Variants in ANO6 observed in about 807,000 individuals in gnomAD.
The protein encoded by ANO6 is anoctamin-6.
In ANO6, 106 loss-of-function variants were observed where a neutral mutation model predicts 117.5. That is an observed-to-expected ratio of 0.90 (90% CI 0.77 to 1.06). The LOEUF is 1.06. Among genes scored for constraint, ANO6 ranks in the 50% least tolerant of loss-of-function variants. The pLI, the probability that ANO6 is intolerant of heterozygous loss-of-function variation, is 0.00. For missense variants in ANO6, 955 were observed against 1,121.1 expected (o/e 0.85, Z 2.12); for synonymous variants, 367 against 385.1 (o/e 0.95, Z 0.55).
intron 7 of ANO6, among the ~76,000 whole-genome samples, chr12:45,356,568 G>A (rs1322929272): frequency 6.6e-6 from 1 of 152,128 alleles, no homozygotes; most frequent in East Asian, 1.9e-4. Context: ...AGAAAAGAAT[G>A]TTATTAAGAA....
At chr12:45,323,115 C>T (rs193273702) in intron 2 of ANO6, among the ~76,000 whole-genome samples, 28 of 152,264 alleles carry the variant, frequency 1.8e-4, no homozygotes, top group Admixed American at 5.2e-4. Flanking sequence ...AGATGTCTTA[C>T]GTCTTCTTTT....
chr12:45,382,316 G>A (rs1320811320), intron 10 of ANO6, among the ~76,000 whole-genome samples: 1 of 152,144 alleles, frequency 6.6e-6, no homozygotes, highest in Non-Finnish European at 1.5e-5. Context: ...CCATCTTCCA[G>A]CCTAATTTTA....
chr12:45,393,331 A>G (rs1942509786), intron 12 of ANO6, among the ~76,000 whole-genome samples: 1 of 152,222 alleles, frequency 6.6e-6, no homozygotes, highest in Non-Finnish European at 1.5e-5. Flanking sequence ...GCCTCCAAGA[A>G]ATATGGGACT....
At chr12:45,379,685 A>T (rs1303551237) in intron 10 of ANO6, among the ~76,000 whole-genome samples, 1 of 152,204 alleles carries the variant, frequency 6.6e-6, no homozygotes, top group Non-Finnish European at 1.5e-5. Context: ...TAAAGAAGAC[A>T]TTTGAAATAA....
At chr12:45,219,610 C>T (rs1329046373) in intron 1 of ANO6, among the ~76,000 whole-genome samples, 2 of 150,262 alleles carry the variant, frequency 1.3e-5, no homozygotes, top group African/African-American at 4.9e-5. Context: ...TCCCAAAGTG[C>T]TGGGATTACA....
intron 12 of ANO6, among the ~76,000 whole-genome samples, chr12:45,394,231 G>C (rs1942544505): frequency 1.3e-5 from 2 of 152,060 alleles, no homozygotes. Flanking sequence ...AACCAACAAA[G>C]ATCAAAAGAG....
chr12:45,379,452 C>A (rs1942113521), intron 10 of ANO6, among the ~76,000 whole-genome samples: 2 of 152,118 alleles, frequency 1.3e-5, no homozygotes, highest in Non-Finnish European at 2.9e-5. Flanking sequence ...AATATTTGAC[C>A]CATAGAAGAA....
intron 1 of ANO6, among the ~76,000 whole-genome samples, chr12:45,255,818 G>GTT (rs551517877): frequency 7.3e-5 from 6 of 81,694 alleles, no homozygotes; most frequent in Admixed American, 2.8e-4. Context: ...CTCCCTGGGT[G>GTT]TTTTTTTTTT....
intron 1 of ANO6, among the ~76,000 whole-genome samples, chr12:45,259,654 C>T (rs11182953): frequency 0.05 from 7,554 of 152,254 alleles, 454 homozygotes; most frequent in East Asian, 0.32. Context: ...CTTATTCCTG[C>T]CTCTTTATTT....
At chr12:45,356,098 T>G (rs1310726546) in intron 7 of ANO6, among the ~76,000 whole-genome samples, 1 of 152,204 alleles carries the variant, frequency 6.6e-6, no homozygotes, top group East Asian at 1.9e-4. Flanking sequence ...AGGAACAATT[T>G]TGGCACTGCT....
chr12:45,378,025 T>G, intron 9 of ANO6, 28 bp from the exon 10 acceptor site: 2 of 1,580,966 alleles, frequency 1.3e-6, no homozygotes, highest in South Asian at 2.2e-5. Context: ...AGGATATGAC[T>G]CATTTATATG....
chr12:45,355,267 C>T (rs1465388518), intron 7 of ANO6, among the ~76,000 whole-genome samples: 2 of 152,070 alleles, frequency 1.3e-5, no homozygotes, highest in Admixed American at 6.5e-5. Flanking sequence ...TGAAGGAATC[C>T]TCATTATTTC....
At chr12:45,328,021 T>C (rs550800192) in intron 2 of ANO6, among the ~76,000 whole-genome samples, 109 of 152,184 alleles carry the variant, frequency 7.2e-4, no homozygotes, top group African/African-American at 2.5e-3. Context: ...TGAGTACACC[T>C]TGATCATCAT....
intron 16 of ANO6, among the ~76,000 whole-genome samples, chr12:45,414,064 T>G (rs1012030358): frequency 5.4e-4 from 82 of 152,114 alleles, no homozygotes; most frequent in African/African-American, 1.9e-3. Flanking sequence ...ATGCAGCCAC[T>G]GGCAAAGTTA....
At chr12:45,343,931 A>G (rs958493976) in intron 3 of ANO6, among the ~76,000 whole-genome samples, 2 of 152,048 alleles carry the variant, frequency 1.3e-5, no homozygotes, top group East Asian at 3.9e-4. Flanking sequence ...CTAGCATTCA[A>G]TTTGGAGCCT....
chr12:45,373,751 A>G (rs2137529358), intron 9 of ANO6, among the ~76,000 whole-genome samples: 1 of 152,332 alleles, frequency 6.6e-6, no homozygotes, highest in Non-Finnish European at 1.5e-5. Context: ...TGCCCACAAG[A>G]GAAAGCAGGA....
At chr12:45,241,846 C>G (rs868128219) in intron 1 of ANO6, among the ~76,000 whole-genome samples, 11 of 152,348 alleles carry the variant, frequency 7.2e-5, no homozygotes, top group African/African-American at 2.6e-4. Context: ...GATGTCCACT[C>G]CAGACCCTGT....
chr12:45,300,485 A>G (rs1939446410), intron 1 of ANO6, among the ~76,000 whole-genome samples: 1 of 152,172 alleles, frequency 6.6e-6, no homozygotes, highest in Non-Finnish European at 1.5e-5. Context: ...GCCAAAAATA[A>G]TTTTTTATAG....
chr12:45,408,487 G>C (rs1399297843), intron 15 of ANO6, among the ~76,000 whole-genome samples: 1 of 152,182 alleles, frequency 6.6e-6, no homozygotes, highest in African/African-American at 2.4e-5. Context: ...ACATAAAAAA[G>C]AGACAGTGGG....
Sources: allele counts gnomAD v4.1 joint callset (sites outside exome capture counted in the v4.1 genomes callset), GRCh38; gene constraint gnomAD v4.1.1; transcripts MANE v1.5; gene names NCBI Gene and HGNC (gene_info 2026-07-23, HGNC 2026-07-21).